Variants in MRE11 observed in about 807,000 individuals in gnomAD.
MRE11 encodes the protein double-strand break repair protein MRE11.
In MRE11, 62 loss-of-function variants were observed where a neutral mutation model predicts 91.7. The ratio of observed to expected loss-of-function variants is 0.68; its 90% confidence interval spans 0.55 to 0.84. The LOEUF is 0.84. MRE11 is among the 40% of genes least tolerant of loss of function. The pLI, the probability that MRE11 is intolerant of heterozygous loss-of-function variation, is 0.00. For synonymous variants in MRE11, 273 were observed against 271.4 expected (o/e 1.01, Z -0.06); for missense variants, 796 against 852.9 (o/e 0.93, Z 0.83).
At position 94,467,761 on chromosome 11, in the gene MRE11, A is replaced by G. The variant is rs1276732053; in HGVS notation, c.1098+52T>C. 4 of 1,458,432 alleles carry G rather than the reference A, an allele frequency of 2.7e-6. No individual in the cohort carries two copies. The South Asian group carries it at 4.6e-5, about 17-fold the overall frequency. The allele number at this position is 1,458,432 out of a possible 1,614,324, so 90.3% of individuals were successfully genotyped here. A position where few individuals can be genotyped will look rare whatever the true frequency, so the allele number is the denominator to read the frequency against. ...TTCAAAGAAACCATGTAAACTGTACATTACTATGCTTTGAAAATTAATAAT... is the reference window on the plus strand; with the variant it reads ...TTCAAAGAAACCATGTAAACTGTACGTTACTATGCTTTGAAAATTAATAAT... On this transcript the variant is annotated intron_variant, in intron 10 of 19. Coordinates refer to ENST00000323929, the MANE Select transcript of MRE11 (RefSeq NM_005591.4).
chr11:94,450,914 T>TAAA (rs796497614), intron 14 of MRE11, among the ~76,000 whole-genome samples: 1 of 152,006 alleles, frequency 6.6e-6, no homozygotes, highest in Non-Finnish European at 1.5e-5. Context: ...ATAACATTAA[T>TAAA]AAAAATCACA....
At chr11:94,448,436 A>C (rs918931821) in intron 14 of MRE11, among the ~76,000 whole-genome samples, 1 of 151,830 alleles carries the variant, frequency 6.6e-6, no homozygotes, top group Non-Finnish European at 1.5e-5. Context: ...AAAAAAACAC[A>C]AAAGAACAAA....
upstream of MRE11, chr11:94,493,925 G>A (rs982679847): frequency 1.3e-5 from 2 of 152,244 alleles, no homozygotes; most frequent in African/African-American, 4.8e-5. Flanking sequence ...CGCAGTGAGG[G>A]GGCGGGGAAA....
chr11:94,438,427 G>C (rs541944443), intron 16 of MRE11, among the ~76,000 whole-genome samples: 1 of 152,176 alleles, frequency 6.6e-6, no homozygotes, highest in South Asian at 2.1e-4. Context: ...GAGGAGAAAC[G>C]AGAGGCAGAA....
intron 14 of MRE11, among the ~76,000 whole-genome samples, chr11:94,451,934 G>A (rs1170876253): frequency 6.6e-6 from 1 of 152,012 alleles, no homozygotes; most frequent in African/African-American, 2.4e-5. Context: ...GGCCAGGCGC[G>A]GTTGCTCATG....
chr11:94,440,868 G>A (rs897510922), intron 16 of MRE11, among the ~76,000 whole-genome samples: 1 of 152,116 alleles, frequency 6.6e-6, no homozygotes, highest in African/African-American at 2.4e-5. Flanking sequence ...CCTAAAAGGG[G>A]AGTTCATCTA....
chr11:94,508,373 GT>G, the MRE11 span, among the ~76,000 whole-genome samples: 3 of 152,054 alleles, frequency 2.0e-5, no homozygotes, highest in Admixed American at 1.3e-4. Context: ...CATCATGAAG[GT>G]TTTTTTCATT....
intron 19 of MRE11, among the ~76,000 whole-genome samples, chr11:94,427,086 C>A (rs1044465385): frequency 2.6e-5 from 4 of 152,114 alleles, no homozygotes; most frequent in Non-Finnish European, 5.9e-5. Flanking sequence ...GGCAGAGACA[C>A]AACAAAACAA....
chr11:94,417,817 A>G lies in MRE11; in HGVS notation c.*2308T>C. On this transcript the variant is annotated 3_prime_UTR_variant, in exon 20 of 20. Coordinates refer to ENST00000323929, the MANE Select transcript of MRE11 (RefSeq NM_005591.4). Reference sequence around the variant, plus strand: ...TTTACATACCTGAATTAAAGGTCACATTCCTAAATGCTTGAATTTTCTAAG... The same window carrying G: ...TTTACATACCTGAATTAAAGGTCACGTTCCTAAATGCTTGAATTTTCTAAG... The G allele has an allele frequency of 4.3e-6, 1 of 233,152 alleles. No individual in the cohort carries two copies. Among genetic ancestry groups the G allele is most frequent in the East Asian group, 6.1e-5 (1 of 16,522 alleles). 14.4% of individuals were successfully genotyped at this position (233,152 alleles called of 1,614,324 possible). A position where few individuals can be genotyped will look rare whatever the true frequency, so the allele number is the denominator to read the frequency against.
intron 13 of MRE11, among the ~76,000 whole-genome samples, chr11:94,458,678 A>G (rs1946328690): frequency 6.6e-6 from 1 of 152,140 alleles, no homozygotes; most frequent in African/African-American, 2.4e-5. Context: ...CAAACGTAAT[A>G]CTACTACCAG....
the MRE11 span, among the ~76,000 whole-genome samples, chr11:94,503,091 A>G: frequency 1.3e-5 from 2 of 152,172 alleles, no homozygotes; most frequent in Non-Finnish European, 2.9e-5. Flanking sequence ...ACTTTAGTTC[A>G]TAGTATTTTT....
chr11:94,465,011 G>A (rs2135005992), intron 10 of MRE11, among the ~76,000 whole-genome samples: 1 of 152,180 alleles, frequency 6.6e-6, no homozygotes, highest in South Asian at 2.1e-4. Flanking sequence ...TGATATTTGT[G>A]TATCATGTCT....
At chr11:94,463,982 C>T (rs1946489919) in intron 11 of MRE11, 131 bp downstream of exon 11, 2 of 966,134 alleles carry the variant, frequency 2.1e-6, no homozygotes, top group Non-Finnish European at 3.1e-6. Context: ...GAATTATTCC[C>T]ACTGTCAATT....
At position 94,447,659 on chromosome 11, in the gene MRE11, T is replaced by C. The variant is rs557519465; in HGVS notation, c.1564-221A>G. On this transcript the variant is annotated intron_variant, in intron 14 of 19. Coordinates refer to ENST00000323929, the MANE Select transcript of MRE11 (RefSeq NM_005591.4). ...GCCTGGGCAACACAGCGAAACCCCG[T>C]CTCTACAAAAAAAAAAAAAAAAAAA... Among the ~76,000 whole-genome samples the C allele has an allele frequency of 1.5e-4, 17 of 114,446 alleles. No homozygotes were observed. The East Asian group carries it at 3.5e-3, about 24-fold the overall frequency. The allele number at this position is 114,446 out of a possible 152,430, so 75.1% of individuals were successfully genotyped here. A position where few individuals can be genotyped will look rare whatever the true frequency, so the allele number is the denominator to read the frequency against.
chr11:94,497,168 C>T (rs1947428314), upstream of MRE11: 13 of 601,300 alleles, frequency 2.2e-5, no homozygotes, highest in South Asian at 3.0e-4. Flanking sequence ...AGCAAGCAAT[C>T]ATCTATATTT....
In MRE11 at chr11:94,419,995, G is replaced by T; in HGVS notation, c.*130C>A. The T allele has an allele frequency of 2.9e-6, 2 of 697,580 alleles. No individual in the cohort carries two copies. The highest frequency in any genetic ancestry group is 4.7e-6 in the Non-Finnish European group (2 of 422,768). The allele number at this position is 697,580 out of a possible 1,614,324, so 43.2% of individuals were successfully genotyped here. On this transcript the variant is annotated 3_prime_UTR_variant, in exon 20 of 20. Coordinates refer to ENST00000323929, the MANE Select transcript of MRE11 (RefSeq NM_005591.4). ...TGAATCAATGCTATTGTATGTCTGT[G>T]AACTAGAAATTTCTTACTTATGGAG...
intron 11 of MRE11, among the ~76,000 whole-genome samples, chr11:94,461,817 T>C (rs1486594034): frequency 2.0e-5 from 3 of 152,234 alleles, no homozygotes; most frequent in African/African-American, 7.2e-5. Context: ...GGCTCACGCC[T>C]GTAATCCCAG....
chr11:94,498,748 T>C, upstream of MRE11: 1 of 564,070 alleles, frequency 1.8e-6, no homozygotes, highest in Non-Finnish European at 3.1e-6. Flanking sequence ...TTGTGATTTT[T>C]TTATCAGAAA....
In MRE11 at chr11:94,491,663, C is replaced by G. The variant is rs570745325; in HGVS notation, c.21-698G>C. The stretch of plus-strand genomic sequence containing the variant: ...CTCTGACAAATGAGAAGGCTAAACC[C>G]AGAGAAATTAACTGCTTTATCACAT... On this transcript the variant is annotated intron_variant, in intron 2 of 19. Transcript: ENST00000323929. Among the ~76,000 whole-genome samples the G allele has an allele frequency of 9.2e-5, 14 of 152,190 alleles. No homozygotes were observed. The East Asian group carries it at 2.7e-3, about 29-fold the overall frequency.
Sources: gnomAD v4.1 joint callset for allele counts (sites outside exome capture counted in the v4.1 genomes callset) on GRCh38, gnomAD v4.1.1 for gene constraint, MANE v1.5 for transcripts, NCBI Gene and HGNC (gene_info 2026-07-23, HGNC 2026-07-21) for gene names.